SMAD3: variants seen among roughly 807,000 people sequenced by gnomAD.
The protein encoded by SMAD3 is MAD homolog 3.
In SMAD3, 12 loss-of-function variants were observed where a neutral mutation model predicts 51.8. The ratio of observed to expected loss-of-function variants is 0.23; its 90% confidence interval spans 0.15 to 0.38. The LOEUF is 0.38. SMAD3 is among the 10% of genes least tolerant of loss of function. The probability of loss-of-function intolerance (pLI) is 1.00; values close to 1 mark genes in which losing one functional copy is unlikely to be tolerated. For missense variants in SMAD3, 294 were observed against 565.6 expected, an observed-to-expected ratio of 0.52 and a Z score of 4.87; for synonymous variants, 238 against 227.7, an observed-to-expected ratio of 1.05 and a Z score of -0.41.
At chr15:67,187,059 A>G (rs1217318082) in intron 7 of SMAD3, 1 of 550,640 alleles carries the variant, frequency 1.8e-6, no homozygotes, top group Admixed American at 2.2e-5. Flanking sequence ...TATTTTTGGA[A>G]GCCCTCTTTG....
intron 1 of SMAD3, among the ~76,000 whole-genome samples, chr15:67,100,806 G>T (rs1960738136): frequency 6.6e-6 from 1 of 152,302 alleles, no homozygotes; most frequent in African/African-American, 2.4e-5. Context: ...CCTTTATGAG[G>T]AACCAGAGAC....
intron 1 of SMAD3, among the ~76,000 whole-genome samples, chr15:67,126,882 C>T (rs1277031843): frequency 6.6e-6 from 1 of 152,098 alleles, no homozygotes; most frequent in East Asian, 1.9e-4. Flanking sequence ...TGTCTCCCTA[C>T]GACCTCCTGG....
At chr15:67,112,677 A>G (rs1354361791) in intron 1 of SMAD3, among the ~76,000 whole-genome samples, 3 of 133,428 alleles carry the variant, frequency 2.2e-5, no homozygotes, top group African/African-American at 5.9e-5. Flanking sequence ...TACTTTCGTC[A>G]CTTTTGCTTT....
rs1463748500 is a variant in SMAD3, at chr15:67,112,437, A to G, written c.206+46077A>G. On this transcript the variant is annotated intron_variant, in intron 1 of 8. Coordinates refer to ENST00000327367, the MANE Select transcript of SMAD3 (RefSeq NM_005902.4). ...TGGCCTCCCAAAGTGCTGGGATGAT[A>G]GGCGTGAGCCACCACACCCGGCTAG... Among the ~76,000 whole-genome samples the G allele has an allele frequency of 3.1e-5, 4 of 130,952 alleles. No individual in the cohort carries two copies. The South Asian group carries it at 1.1e-3, about 35-fold the overall frequency. The allele number at this position is 130,952 out of a possible 152,430, so 85.9% of individuals were successfully genotyped here.
Position 67,085,868 on chromosome 15 carries a change from G to GCACACACACACACACA in SMAD3, c.206+19525_206+19540dup, listed in dbSNP as rs78357581. Reference sequence around the variant, plus strand: ...TAGTGGTTGGTCAAAAAAAAAGCGTGCACACACACACACACACACACACAC... The same window carrying GCACACACACACACACA: ...TAGTGGTTGGTCAAAAAAAAAGCGTGCACACACACACACACACACACACACACACACACACACACAC... On this transcript the variant is annotated intron_variant, in intron 1 of 8. Transcript: ENST00000327367. 3.8e-3 allele frequency among the ~76,000 whole-genome samples: 380 copies of GCACACACACACACACA among 100,104 alleles called. 2 individuals are homozygous for GCACACACACACACACA. Among genetic ancestry groups the GCACACACACACACACA allele is most frequent in the African/African-American group, 0.012 (358 of 29,190 alleles). 65.7% of individuals were successfully genotyped at this position (100,104 alleles called of 152,430 possible). A position where few individuals can be genotyped will look rare whatever the true frequency, so the allele number is the denominator to read the frequency against.
At chr15:67,178,468 G>T (rs577663595) in intron 5 of SMAD3, among the ~76,000 whole-genome samples, 14 of 152,320 alleles carry the variant, frequency 9.2e-5, no homozygotes, top group African/African-American at 3.1e-4. Flanking sequence ...CCGTGCCAGA[G>T]AATGATCTAG....
intron 1 of SMAD3, among the ~76,000 whole-genome samples, chr15:67,152,057 A>G (rs564071050): frequency 1.8e-4 from 28 of 152,278 alleles, no homozygotes; most frequent in African/African-American, 6.7e-4. Flanking sequence ...TAATCATCTT[A>G]CAGTGGTTTA....
At chr15:67,073,849 T>C (rs1387597545) in intron 1 of SMAD3, among the ~76,000 whole-genome samples, 2 of 152,156 alleles carry the variant, frequency 1.3e-5, no homozygotes, top group Non-Finnish European at 2.9e-5. Context: ...TAATTTTGTA[T>C]TTTTATCAGA....
chr15:67,129,529 A>T (rs1305359784), intron 1 of SMAD3, among the ~76,000 whole-genome samples: 1 of 152,236 alleles, frequency 6.6e-6, no homozygotes, highest in Non-Finnish European at 1.5e-5. Context: ...TTTATAAATT[A>T]AACTTTGTCT....
chr15:67,081,791 T>C (rs1024486342), intron 1 of SMAD3, among the ~76,000 whole-genome samples: 1 of 152,150 alleles, frequency 6.6e-6, no homozygotes, highest in African/African-American at 2.4e-5. Context: ...TCCTGGTATC[T>C]TGTTGGTCAG....
intron 1 of SMAD3, among the ~76,000 whole-genome samples, chr15:67,086,573 G>A (rs1009789313): frequency 7.9e-5 from 12 of 152,210 alleles, no homozygotes; most frequent in Non-Finnish European, 1.8e-4. Flanking sequence ...GGCTTTCACA[G>A]ATGAAGGGGG....
chr15:67,135,876 G>T (rs887103481), intron 1 of SMAD3, among the ~76,000 whole-genome samples: 5 of 152,138 alleles, frequency 3.3e-5, no homozygotes, highest in African/African-American at 7.2e-5. Context: ...TTCACATCAG[G>T]TATTTGTAAC....
intron 1 of SMAD3, among the ~76,000 whole-genome samples, chr15:67,110,153 T>A (rs1181661485): frequency 2.0e-5 from 3 of 152,134 alleles, no homozygotes; most frequent in African/African-American, 4.8e-5. Context: ...TGTGCTTGAG[T>A]GTCTAAGACC....
At chr15:67,131,861 G>A (rs940787761) in intron 1 of SMAD3, among the ~76,000 whole-genome samples, 3 of 152,156 alleles carry the variant, frequency 2.0e-5, no homozygotes, top group African/African-American at 7.2e-5. Flanking sequence ...CAGGAGATGG[G>A]TGCTTCTTCA....
chr15:67,179,272 TTGCCCC>T (rs1403156462), intron 5 of SMAD3, among the ~76,000 whole-genome samples: 1 of 152,176 alleles, frequency 6.6e-6, no homozygotes, highest in Non-Finnish European at 1.5e-5. Context: ...GGAGGCCGTT[TTGCCCC>T]CTAGAAGACA....
At chr15:67,093,388 C>T (rs1343771980) in intron 1 of SMAD3, among the ~76,000 whole-genome samples, 1 of 152,228 alleles carries the variant, frequency 6.6e-6, no homozygotes, top group Non-Finnish European at 1.5e-5. Flanking sequence ...CGGTGAGCCT[C>T]TCATTCCACT....
chr15:67,102,637 A>T (rs1221816684), intron 1 of SMAD3, among the ~76,000 whole-genome samples: 2 of 151,590 alleles, frequency 1.3e-5, no homozygotes, highest in African/African-American at 4.9e-5. Context: ...CCAATGTATG[A>T]TGGGGAATTC....
intron 1 of SMAD3, among the ~76,000 whole-genome samples, chr15:67,083,723 C>T (rs998891275): frequency 3.3e-5 from 5 of 152,302 alleles, no homozygotes; most frequent in South Asian, 2.1e-4. Flanking sequence ...TGGACAATAC[C>T]TGAACATCCC....
intron 1 of SMAD3, among the ~76,000 whole-genome samples, chr15:67,077,504 G>T (rs1960196447): frequency 6.6e-6 from 1 of 152,200 alleles, no homozygotes; most frequent in Admixed American, 6.5e-5. Flanking sequence ...TCTTTATTAA[G>T]TACCAGAGAT....
Sources: allele counts gnomAD v4.1 joint callset (sites outside exome capture counted in the v4.1 genomes callset), GRCh38; gene constraint gnomAD v4.1.1; transcripts MANE v1.5; gene names NCBI Gene and HGNC (gene_info 2026-07-23, HGNC 2026-07-21).